Variants in SORBS2 observed in about 807,000 individuals in gnomAD.
SORBS2 encodes the protein sorbin and SH3 domain-containing protein 2.
Under a neutral mutation model 97.7 loss-of-function variants are expected in SORBS2, and 46 were observed. That is an observed-to-expected ratio of 0.47 (90% CI 0.37 to 0.60). The LOEUF is 0.60. SORBS2 is among the 20% of genes least tolerant of loss of function. SORBS2 has a pLI of 0.00. For missense variants in SORBS2, 1,316 were observed against 1,282.3 expected, an observed-to-expected ratio of 1.03 and a Z score of -0.40; for synonymous variants, 476 against 473.4, an observed-to-expected ratio of 1.01 and a Z score of -0.07.
chr4:185,786,718 T>C (rs368384391), intron 1 of SORBS2, among the ~76,000 whole-genome samples: 27 of 152,186 alleles, frequency 1.8e-4, no homozygotes, highest in East Asian at 5.8e-4. Flanking sequence ...TCCCAGCATT[T>C]TGGGAGGCCG....
rs1432995448 is a variant in SORBS2 at position 185,684,152 on chromosome 4, C to T, written c.-197-5330G>A. Among the ~76,000 whole-genome samples the T allele has an allele frequency of 6.6e-6, 1 of 152,178 alleles. No homozygotes were observed. The highest frequency in any genetic ancestry group is 1.5e-5 in the Non-Finnish European group (1 of 68,030). On this transcript the variant is annotated intron_variant, in intron 2 of 20. Coordinates refer to the SORBS2 transcript ENST00000284776. This position sits in a 1 kb window ranked among gnomAD's most constrained non-coding sequence, Gnocchi z 4.2. ...CCCAGTGCAGACTGTGCCTTAGGTA[C>T]TGTGCCTAACTTCGGTACTGTGGCT...
Position 185,823,884 on chromosome 4 carries a change from G to A in SORBS2, c.-337-48518C>T, listed in dbSNP as rs532622547. On this transcript the variant is annotated intron_variant, in intron 1 of 20. Transcript: ENST00000284776. ...CGGTTCGATAAAAAGGCCAAGCAGA[G>A]AAGCCCGCTGATTGGATCTCAGAAA... 9.3e-4 allele frequency among the ~76,000 whole-genome samples: 142 copies of A among 152,312 alleles called. 2 individuals are homozygous for A. Among genetic ancestry groups the A allele is most frequent in the Non-Finnish European group, 1.0e-3 (68 of 68,038 alleles).
At chr4:185,949,513 C>T (rs1041477343) in intron 1 of SORBS2, among the ~76,000 whole-genome samples, 1 of 152,012 alleles carries the variant, frequency 6.6e-6, no homozygotes, top group Non-Finnish European at 1.5e-5. Flanking sequence ...TAACTAAAGT[C>T]CACGTGATTG....
chr4:185,589,231 T>C (rs2095863383), intron 14 of SORBS2: 1 of 153,110 alleles, frequency 6.5e-6, no homozygotes, highest in African/African-American at 2.4e-5. Context: ...AAAGTTAAGG[T>C]GAGTCACTGA....
At chr4:185,639,422 T>G (rs1437612590) in intron 4 of SORBS2, among the ~76,000 whole-genome samples, 1 of 152,232 alleles carries the variant, frequency 6.6e-6, no homozygotes, top group East Asian at 1.9e-4. Flanking sequence ...CTGAATGTTG[T>G]TTTTAAGATG....
intron 1 of SORBS2, among the ~76,000 whole-genome samples, chr4:185,892,058 C>T (rs182735042): frequency 6.6e-6 from 1 of 152,254 alleles, no homozygotes; most frequent in African/African-American, 2.4e-5. Flanking sequence ...TGGTCTCGAT[C>T]TCCTGACCTC....
chr4:185,768,458 G>A (rs926123936), intron 2 of SORBS2, among the ~76,000 whole-genome samples: 1 of 152,100 alleles, frequency 6.6e-6, no homozygotes, highest in Admixed American at 6.5e-5. Flanking sequence ...TTGGAAGGCC[G>A]AGGTGGGTGG....
intron 14 of SORBS2, 67 bp from the exon 27 acceptor site, chr4:185,587,755 T>C (rs907000804): frequency 8.0e-6 from 10 of 1,254,988 alleles, no homozygotes; most frequent in South Asian, 4.9e-5. Context: ...TGGGCTTGAA[T>C]ACTTCCCATT....
intron 13 of SORBS2, among the ~76,000 whole-genome samples, chr4:185,590,140 A>G (rs2095888271): frequency 1.3e-5 from 2 of 152,264 alleles, no homozygotes; most frequent in African/African-American, 4.8e-5. Context: ...TCATTTAGAC[A>G]TTAAATAATA....
intron 1 of SORBS2, among the ~76,000 whole-genome samples, chr4:185,785,211 T>C (rs1241773650): frequency 1.3e-5 from 1 of 79,546 alleles, no homozygotes; most frequent in Non-Finnish European, 3.0e-5. Flanking sequence ...GTATTGACTT[T>C]GAGCGTTTAA....
chr4:185,813,136 A>G (rs2099189692), intron 1 of SORBS2: 1 of 152,200 alleles, frequency 6.6e-6, no homozygotes, highest in Non-Finnish European at 1.5e-5. Flanking sequence ...ATATATTTCC[A>G]AGGCACTGTC....
intron 2 of SORBS2, among the ~76,000 whole-genome samples, chr4:185,728,017 T>G (rs2153567655): frequency 6.6e-6 from 1 of 152,352 alleles, no homozygotes; most frequent in Non-Finnish European, 1.5e-5. Flanking sequence ...TTGATTTTTT[T>G]CAGTAAACTC....
chr4:185,694,283 T>C (rs2098139151), intron 2 of SORBS2, among the ~76,000 whole-genome samples: 1 of 152,226 alleles, frequency 6.6e-6, no homozygotes, highest in Admixed American at 6.5e-5. Context: ...ATCAAATTCC[T>C]AGAGTCTTTG....
intron 1 of SORBS2, among the ~76,000 whole-genome samples, chr4:185,845,881 A>G (rs1033785817): frequency 1.3e-5 from 2 of 152,330 alleles, no homozygotes; most frequent in South Asian, 2.1e-4. Flanking sequence ...TGGCCAAAAT[A>G]TAAACAAAAC....
chr4:185,899,082 C>T (rs1441846208), intron 1 of SORBS2, among the ~76,000 whole-genome samples: 1 of 152,120 alleles, frequency 6.6e-6, no homozygotes, highest in Non-Finnish European at 1.5e-5. Context: ...GCAGCCTGAT[C>T]TGGAACAAAG....
chr4:185,783,817 A>G (rs2099042954), intron 1 of SORBS2, among the ~76,000 whole-genome samples: 2 of 152,198 alleles, frequency 1.3e-5, no homozygotes, highest in Non-Finnish European at 2.9e-5. Flanking sequence ...TTTCTTGGCA[A>G]GAATTCCTTC....
intron 1 of SORBS2, among the ~76,000 whole-genome samples, chr4:185,935,908 T>C (rs1030171404): frequency 6.6e-6 from 1 of 152,156 alleles, no homozygotes. Flanking sequence ...CTGGAGTGCA[T>C]TGGTATGATC....
At chr4:185,626,371 A>T (rs1029680654) in intron 6 of SORBS2, among the ~76,000 whole-genome samples, 3 of 152,226 alleles carry the variant, frequency 2.0e-5, no homozygotes, top group East Asian at 1.9e-4. Flanking sequence ...GGATTTTTTT[A>T]AAATCTAGAA....
At chr4:185,904,605 T>A (rs938957950) in intron 1 of SORBS2, among the ~76,000 whole-genome samples, 2 of 152,250 alleles carry the variant, frequency 1.3e-5, no homozygotes, top group African/African-American at 2.4e-5. Context: ...TAACAGTGCA[T>A]GCCGCACAAT....
Sources: gnomAD v4.1 joint callset for allele counts (sites outside exome capture counted in the v4.1 genomes callset) on GRCh38, gnomAD v4.1.1 for gene constraint, Gnocchi (gnomAD v3.1) non-coding constraint, MANE v1.5 for transcripts, NCBI Gene and HGNC (gene_info 2026-07-23, HGNC 2026-07-21) for gene names.